The following TIMP4 variants were observed in gnomAD, a reference collection of about 807,000 sequenced individuals.
The protein encoded by TIMP4 is TIMP metallopeptidase inhibitor 4, also known as metalloproteinase inhibitor 4.
TIMP4 carries 28 observed loss-of-function variants against 27.3 expected under a neutral mutation model. That is an observed-to-expected ratio of 1.03 (90% CI 0.76 to 1.41). The LOEUF is 1.41. TIMP4 is among the 40% of genes most tolerant of loss of function. The pLI is 0.00. For synonymous variants in TIMP4, 138 were observed against 115.5 expected, an observed-to-expected ratio of 1.20 and a Z score of -1.25; for missense variants, 307 against 285.5, an observed-to-expected ratio of 1.08 and a Z score of -0.54.
chr3:12,153,389 G>A lies in TIMP4; in HGVS notation c.*126C>T. The A allele has an allele frequency of 1.8e-6, 2 of 1,133,076 alleles. No homozygotes were observed. Among genetic ancestry groups the A allele is most frequent in the Non-Finnish European group, 1.3e-6 (1 of 758,704 alleles). 70.2% of individuals were successfully genotyped at this position (1,133,076 alleles called of 1,614,324 possible). A position where few individuals can be genotyped will look rare whatever the true frequency, so the allele number is the denominator to read the frequency against. ...TCCCTGCCTTGACAGTGGCCAGACTGTCCACTTGGCACTTCTTATTAGCTG... is the reference window on the plus strand; with the variant it reads ...TCCCTGCCTTGACAGTGGCCAGACTATCCACTTGGCACTTCTTATTAGCTG... On this transcript the variant is annotated 3_prime_UTR_variant, in exon 5 of 5. Transcript: ENST00000287814.
Position 12,153,251 on chromosome 3 carries a change from A to G in TIMP4, c.*264T>C. 1.8e-6 allele frequency: 1 copy of G among 541,700 alleles called. No individual in the cohort carries two copies. Among genetic ancestry groups the G allele is most frequent in the Non-Finnish European group, 3.3e-6 (1 of 299,214 alleles). The allele number at this position is 541,700 out of a possible 1,614,324, so 33.6% of individuals were successfully genotyped here. A position where few individuals can be genotyped will look rare whatever the true frequency, so the allele number is the denominator to read the frequency against. ...GGAAAGGGAATAGTCCTGGCTTTAG[A>G]AAACAGACTAAGCCAGAAGAAACAC... On this transcript the variant is annotated 3_prime_UTR_variant, in exon 5 of 5. Transcript: ENST00000287814.
At chr3:12,154,049 C>G (rs1053745386) in intron 4 of TIMP4, among the ~76,000 whole-genome samples, 1 of 152,174 alleles carries the variant, frequency 6.6e-6, no homozygotes, top group Non-Finnish European at 1.5e-5. Context: ...TAAACATTTA[C>G]AGTAAATTTA....
At chr3:12,154,650 G>A (rs1029144127) in intron 3 of TIMP4, among the ~76,000 whole-genome samples, 199 bp from the exon 4 acceptor site, 1 of 152,182 alleles carries the variant, frequency 6.6e-6, no homozygotes, top group African/African-American at 2.4e-5. Context: ...ATGTTTGTAC[G>A]AGGCAGAGTT....
At chr3:12,153,975 C>G (rs372122443) in intron 4 of TIMP4, among the ~76,000 whole-genome samples, 1 of 152,170 alleles carries the variant, frequency 6.6e-6, no homozygotes, top group Non-Finnish European at 1.5e-5. Context: ...CTTGCCAGAG[C>G]TTTCATTTCT....
At chr3:12,155,000 CCT>C (rs1031393598) in intron 3 of TIMP4, among the ~76,000 whole-genome samples, 11 of 152,180 alleles carry the variant, frequency 7.2e-5, no homozygotes, top group African/African-American at 2.7e-4. Context: ...GAAATTTCCC[CCT>C]TTTTACCTAT....
chr3:12,156,960 A>G (rs1697476903), intron 2 of TIMP4, 26 bp from the exon 3 acceptor site: 1 of 1,548,538 alleles, frequency 6.5e-7, no homozygotes, highest in African/African-American at 1.4e-5. Flanking sequence ...AAAAAAAGGC[A>G]ATATTGGGTC....
chr3:12,153,285 A>G lies in TIMP4; in HGVS notation c.*230T>C, dbSNP rs2125226762. On this transcript the variant is annotated 3_prime_UTR_variant, in exon 5 of 5. Transcript: ENST00000287814. ...TAAGCCAGAAGAAACACTTGCAGTA[A>G]CAGCTACAAGGCTAGACTAATGGGG... is the stretch of plus-strand genomic sequence containing the variant. 1.7e-6 allele frequency: 1 copy of G among 581,156 alleles called. No homozygotes were observed. Among genetic ancestry groups the G allele is most frequent in the Admixed American group, 3.0e-5 (1 of 33,528 alleles). 36.0% of individuals were successfully genotyped at this position (581,156 alleles called of 1,614,324 possible).
intron 4 of TIMP4, 117 bp from the exon 5 acceptor site, chr3:12,153,829 G>C (rs1697376075): frequency 9.1e-7 from 1 of 1,095,756 alleles, no homozygotes; most frequent in East Asian, 2.6e-5. Context: ...ATCTTATCAA[G>C]CCTTTCCCAG....
rs1175780739 is a variant in TIMP4 at position 12,153,806 on chromosome 3, T to A, written c.478-94A>T. 2.2e-6 allele frequency: 3 copies of A among 1,341,794 alleles called. No homozygotes were observed. The African/African-American group carries it at 4.3e-5, about 19-fold the overall frequency. The allele number at this position is 1,341,794 out of a possible 1,614,324, so 83.1% of individuals were successfully genotyped here. ...TTCCTACGTACCTTTCCAGCCCATC[T>A]CAAATGCCCCCTATCTTATCAAGCC... On this transcript the variant is annotated intron_variant, in intron 4 of 4. Coordinates refer to ENST00000287814, the MANE Select transcript of TIMP4 (RefSeq NM_003256.4).
intron 3 of TIMP4, among the ~76,000 whole-genome samples, chr3:12,155,396 A>G (rs1697425589): frequency 6.6e-6 from 1 of 152,170 alleles, no homozygotes; most frequent in African/African-American, 2.4e-5. Flanking sequence ...CTCAGAGAAG[A>G]CTGTGCTTGC....
Position 12,158,899 on chromosome 3 carries a change from G to C in TIMP4, c.-59C>G, listed in dbSNP as rs1193710528. On this transcript the variant is annotated 5_prime_UTR_variant, in exon 1 of 5. Coordinates refer to ENST00000287814, the MANE Select transcript of TIMP4 (RefSeq NM_003256.4). ...CTGGGGGACTGGACGGCCCCAGCAG[G>C]GCTCCTTCCCAAGGCCGTTGTGCCC... is the stretch of plus-strand genomic sequence containing the variant. 6.8e-7 allele frequency: 1 copy of C among 1,460,766 alleles called. No individual in the cohort carries two copies. The highest frequency in any genetic ancestry group is 9.0e-7 in the Non-Finnish European group (1 of 1,108,048). The allele number at this position is 1,460,766 out of a possible 1,614,324, so 90.5% of individuals were successfully genotyped here.
intron 1 of TIMP4, 89 bp from the exon 2 acceptor site, chr3:12,157,571 C>CTA (rs1361683935): frequency 6.1e-6 from 8 of 1,301,636 alleles, no homozygotes; most frequent in Non-Finnish European, 7.7e-6. Context: ...ATGAAGAAGT[C>CTA]TATAGGGCAG....
Position 12,153,508 on chromosome 3 carries a change from G to T in TIMP4, c.*7C>A, listed in dbSNP as rs768795932. ...TCTTGAAGGGATGTGATGGTCACTG[G>T]TCCCTACTAGGGCTGAACGATGTCA... On this transcript the variant is annotated 3_prime_UTR_variant, in exon 5 of 5. Transcript: ENST00000287814. 6.2e-7 allele frequency: 1 copy of T among 1,612,846 alleles called. No individual in the cohort carries two copies. The highest frequency in any genetic ancestry group is 8.5e-7 in the Non-Finnish European group (1 of 1,179,980).
At chr3:12,154,137 A>G (rs542102639) in intron 4 of TIMP4, among the ~76,000 whole-genome samples, 190 bp downstream of exon 4, 7 of 152,196 alleles carry the variant, frequency 4.6e-5, no homozygotes, top group Non-Finnish European at 1.0e-4. Context: ...GCCTCCTGTG[A>G]TGGCCACCTT....
chr3:12,157,774 G>T (rs1697501650), intron 1 of TIMP4, among the ~76,000 whole-genome samples: 1 of 152,184 alleles, frequency 6.6e-6, no homozygotes, highest in Non-Finnish European at 1.5e-5. Context: ...TTGTGCAGTG[G>T]GGCACAGGGT....
In TIMP4 at chr3:12,153,667, C is replaced by T. The variant is rs762591933; in HGVS notation, c.523G>A (p.Glu175Lys). The change falls in exon 5 of 5, where the codon GAG becomes AAG. Residue 175 changes from glutamate to lysine, a missense_variant. Glu to Lys is a moderately conservative substitution (Grantham distance 56). Coordinates refer to ENST00000287814, the MANE Select transcript of TIMP4 (RefSeq NM_003256.4). ...AACAGCCAGTCTGTCCAGAGGCACT[C>T]GTTAGGGGCCGAGATGGTACAGGGT... is the stretch of plus-strand genomic sequence containing the variant. ...TVPCTISAPN[E>K]CLWTDWLLER... 1.1e-5 allele frequency: 17 copies of T among 1,614,070 alleles called. No individual in the cohort carries two copies. The Admixed American group carries it at 1.7e-4, about 16-fold the overall frequency.
At chr3:12,157,290 C>A in intron 2 of TIMP4, 95 bp downstream of exon 2, 2 of 1,179,858 alleles carry the variant, frequency 1.7e-6, no homozygotes, top group South Asian at 2.6e-5. Flanking sequence ...GATTACTGAG[C>A]CAGGCCACCT....
At position 12,158,784 on chromosome 3, in the gene TIMP4, C is replaced by A. The variant is rs150776929; in HGVS notation, c.57G>T (p.Ala19=). 2 of 1,603,142 alleles carry A rather than the reference C, an allele frequency of 1.2e-6. No homozygotes were observed. Among genetic ancestry groups the A allele is most frequent in the South Asian group, 2.2e-5 (2 of 90,858 alleles). Residue 19 remains alanine (A), a synonymous_variant, in exon 1 of 5, where the codon GCG becomes GCT. Coordinates refer to ENST00000287814, the MANE Select transcript of TIMP4 (RefSeq NM_003256.4). Reference sequence around the variant, plus strand: ...CACCCAGCCCCGGGGGCCGCAGCAACGCCAGCAGCCGCAGCAACAGCACCC... The same window carrying A: ...CACCCAGCCCCGGGGGCCGCAGCAAAGCCAGCAGCCGCAGCAACAGCACCC... ...PSWVLLLRLL[A]LLRPPGLGEA...
chr3:12,157,525 G>A, intron 1 of TIMP4, 43 bp from the exon 2 acceptor site: 1 of 1,580,714 alleles, frequency 6.3e-7, no homozygotes, highest in Non-Finnish European at 8.7e-7. Context: ...CAGCTGGTGG[G>A]GGCAATACAC....
Sources: gnomAD v4.1 joint callset for allele counts (sites outside exome capture counted in the v4.1 genomes callset) on GRCh38, gnomAD v4.1.1 for gene constraint, MANE v1.5 for transcripts, NCBI Gene and HGNC (gene_info 2026-07-23, HGNC 2026-07-21) for gene names.